The following NCALD variants were observed in gnomAD, a reference collection of about 807,000 sequenced individuals.
NCALD encodes neurocalcin-delta.
A neutral mutation model predicts 18.6 loss-of-function variants in NCALD; 10 were observed. That is an observed-to-expected ratio of 0.54 (90% CI 0.33 to 0.91). NCALD has a LOEUF of 0.91. Among genes scored for constraint, NCALD ranks in the 40% least tolerant of loss-of-function variants. NCALD has a pLI of 0.03. For synonymous variants in NCALD, 88 were observed against 87.4 expected (o/e 1.01, Z -0.04); for missense variants, 184 against 247.6 (o/e 0.74, Z 1.72).
intron 1 of NCALD, among the ~76,000 whole-genome samples, chr8:102,112,090 C>A (rs1047960566): frequency 2.0e-5 from 3 of 152,160 alleles, no homozygotes; most frequent in African/African-American, 7.2e-5. Flanking sequence ...CCTAATTTAT[C>A]TCTTTAGGAA....
At chr8:102,034,718 T>C (rs999828771) in intron 1 of NCALD, among the ~76,000 whole-genome samples, 9 of 152,176 alleles carry the variant, frequency 5.9e-5, no homozygotes, top group African/African-American at 2.2e-4. Context: ...GACATCATGG[T>C]TGGCTAGCGT....
intron 3 of NCALD, chr8:101,690,295 G>C (rs914739164): frequency 1.3e-5 from 13 of 985,168 alleles, no homozygotes; most frequent in Non-Finnish European, 1.6e-5. Flanking sequence ...CCGCCCCTGG[G>C]AGTGAAGTGA....
intron 1 of NCALD, chr8:102,028,956 C>T (rs1822565662): frequency 6.6e-6 from 1 of 152,066 alleles, no homozygotes; most frequent in Non-Finnish European, 1.5e-5. Flanking sequence ...ATAATAGCAA[C>T]AACAGCTAAC....
chr8:101,788,057 T>C (rs1812299785), intron 1 of NCALD, among the ~76,000 whole-genome samples: 1 of 152,078 alleles, frequency 6.6e-6, no homozygotes, highest in African/African-American at 2.4e-5. Flanking sequence ...AGGAGGAAAA[T>C]AAAAGAAAGT....
At chr8:101,826,580 A>G (rs1051208530) in intron 4 of NCALD, among the ~76,000 whole-genome samples, 2 of 152,188 alleles carry the variant, frequency 1.3e-5, no homozygotes, top group African/African-American at 4.8e-5. Context: ...TTCAGGGAAA[A>G]CAGAAAGATG....
intron 1 of NCALD, among the ~76,000 whole-genome samples, chr8:101,747,159 A>T (rs10113785): frequency 4.6e-5 from 7 of 151,956 alleles, no homozygotes; most frequent in Admixed American, 3.3e-4. Context: ...TTCCTGCCCC[A>T]CACACACAGA....
At chr8:101,800,250 C>A (rs1812788960) in intron 4 of NCALD, among the ~76,000 whole-genome samples, 1 of 151,970 alleles carries the variant, frequency 6.6e-6, no homozygotes, top group Admixed American at 6.6e-5. Flanking sequence ...AGACTATTAG[C>A]ACAAAAGTAA....
chr8:101,965,902 ATTAT>A (rs914375104), intron 2 of NCALD, among the ~76,000 whole-genome samples: 1 of 152,222 alleles, frequency 6.6e-6, no homozygotes, highest in African/African-American at 2.4e-5. Context: ...ATTACTCATA[ATTAT>A]TTGTCACTTA....
Position 102,035,719 on chromosome 8 carries a change from T to C in NCALD, c.-209-15430A>G, listed in dbSNP as rs547183706. Among the ~76,000 whole-genome samples the C allele has an allele frequency of 2.6e-4, 39 of 152,216 alleles. No homozygotes were observed. In the South Asian group the frequency reaches 5.4e-3, roughly 21 times the overall value. On this transcript the variant is annotated intron_variant, in intron 1 of 6. Transcript: ENST00000311028. ...ATGAACCAAAAGATTCTCTCCCAGG[T>C]AGTCACAATATTTACCACAATTGCA...
chr8:101,960,542 T>C (rs1819799392), intron 2 of NCALD, among the ~76,000 whole-genome samples: 1 of 152,142 alleles, frequency 6.6e-6, no homozygotes, highest in South Asian at 2.1e-4. Flanking sequence ...AGCATGGGAT[T>C]TGGAGTTATT....
chr8:101,944,895 C>T (rs1209399794), intron 2 of NCALD, among the ~76,000 whole-genome samples: 1 of 152,190 alleles, frequency 6.6e-6, no homozygotes, highest in Non-Finnish European at 1.5e-5. Context: ...CTTGCCCACA[C>T]CTCTATAAAT....
At chr8:101,995,368 C>T (rs1213878912) in intron 2 of NCALD, among the ~76,000 whole-genome samples, 1 of 152,128 alleles carries the variant, frequency 6.6e-6, no homozygotes, top group African/African-American at 2.4e-5. Flanking sequence ...GCCATTCTTG[C>T]ACTGATATAA....
chr8:101,751,278 C>A (rs1810646521), intron 1 of NCALD, among the ~76,000 whole-genome samples: 1 of 152,054 alleles, frequency 6.6e-6, no homozygotes, highest in Non-Finnish European at 1.5e-5. Context: ...TATGAGGTAC[C>A]TAGAATGGGC....
chr8:101,735,809 C>T (rs183820702), intron 1 of NCALD, among the ~76,000 whole-genome samples: 56 of 152,356 alleles, frequency 3.7e-4, no homozygotes, highest in Admixed American at 2.4e-3. Flanking sequence ...TATTGATCTA[C>T]GCTGTGGCCA....
intron 1 of NCALD, among the ~76,000 whole-genome samples, chr8:101,740,892 A>G (rs1254032994): frequency 6.6e-6 from 1 of 152,040 alleles, no homozygotes; most frequent in Non-Finnish European, 1.5e-5. Context: ...TTTCCTGCTC[A>G]TTCTAAATGC....
At chr8:102,060,951 C>T (rs7014272) in intron 1 of NCALD, among the ~76,000 whole-genome samples, 9,331 of 152,146 alleles carry the variant, frequency 0.061, 667 homozygotes, top group African/African-American at 0.17. Context: ...GGAAACAAAG[C>T]GACAAAAGCC....
chr8:101,750,664 C>T (rs932784799), intron 1 of NCALD: 3 of 152,224 alleles, frequency 2.0e-5, no homozygotes, highest in Non-Finnish European at 4.4e-5. Context: ...CTTTCATTCT[C>T]CTTTTAAAAA....
At chr8:101,829,904 A>G in intron 4 of NCALD, among the ~76,000 whole-genome samples, 1 of 150,574 alleles carries the variant, frequency 6.6e-6, no homozygotes. Flanking sequence ...GTTTGTTATT[A>G]TATCTATCTT....
intron 4 of NCALD, among the ~76,000 whole-genome samples, chr8:101,860,736 TGAGG>T (rs1743792448): frequency 6.6e-6 from 1 of 152,046 alleles, no homozygotes; most frequent in Non-Finnish European, 1.5e-5. Flanking sequence ...ACTGGAGAAT[TGAGG>T]GAGAGCTGCG....
Sources: gnomAD v4.1 joint callset for allele counts (sites outside exome capture counted in the v4.1 genomes callset) on GRCh38, gnomAD v4.1.1 for gene constraint, MANE v1.5 for transcripts, NCBI Gene and HGNC (gene_info 2026-07-23, HGNC 2026-07-21) for gene names.